KIF6: variants seen among roughly 807,000 people sequenced by gnomAD.
KIF6 encodes kinesin family member 6.
A neutral mutation model predicts 112.7 loss-of-function variants in KIF6; 106 were observed. The observed-to-expected ratio is 0.94, with a 90% CI of 0.80 to 1.11. The LOEUF is 1.11. KIF6 is among the 50% of genes least tolerant of loss of function. KIF6 has a pLI of 0.00. For missense variants in KIF6, 929 were observed against 964.0 expected (o/e 0.96, Z 0.48); for synonymous variants, 339 against 339.9 (o/e 1.00, Z 0.03).
intron 22 of KIF6, among the ~76,000 whole-genome samples, chr6:39,337,165 TTCCTTCC>T (rs1277587278): frequency 1.5e-5 from 1 of 68,772 alleles, no homozygotes; most frequent in East Asian, 3.9e-4. Context: ...TTTTCTTTCT[TTCCTTCC>T]TTCTTTCTTT....
intron 3 of KIF6, among the ~76,000 whole-genome samples, chr6:39,642,841 T>C (rs770843872): frequency 1.1e-4 from 16 of 152,112 alleles, no homozygotes; most frequent in Non-Finnish European, 2.4e-4. Flanking sequence ...AACTCACCTC[T>C]GGCTGGCCTT....
At chr6:39,510,250 G>A (rs763153916) in intron 13 of KIF6, among the ~76,000 whole-genome samples, 2 of 151,772 alleles carry the variant, frequency 1.3e-5, no homozygotes, top group Non-Finnish European at 2.9e-5. Flanking sequence ...CTGCCACCAC[G>A]CCTGGCTCAT....
intron 3 of KIF6, among the ~76,000 whole-genome samples, chr6:39,657,077 A>G (rs1785834398): frequency 6.6e-6 from 1 of 151,842 alleles, no homozygotes; most frequent in Non-Finnish European, 1.5e-5. Context: ...CTAAAAATAC[A>G]AAAAAATTTG....
At chr6:39,556,950 C>T (rs1473292271) in intron 10 of KIF6, among the ~76,000 whole-genome samples, 2 of 152,080 alleles carry the variant, frequency 1.3e-5, no homozygotes, top group Non-Finnish European at 2.9e-5. Context: ...AATTTGTAGA[C>T]AACATTGAAG....
At chr6:39,539,204 A>C (rs1455312520) in intron 13 of KIF6, among the ~76,000 whole-genome samples, 1 of 151,810 alleles carries the variant, frequency 6.6e-6, no homozygotes, top group East Asian at 1.9e-4. Flanking sequence ...GTACCCGAAA[A>C]CTTAAAGTAT....
At chr6:39,427,904 C>G (rs918668770) in intron 14 of KIF6, among the ~76,000 whole-genome samples, 1 of 152,178 alleles carries the variant, frequency 6.6e-6, no homozygotes, top group Non-Finnish European at 1.5e-5. Flanking sequence ...GAAAATAGAC[C>G]TAAACTCAGG....
intron 3 of KIF6, among the ~76,000 whole-genome samples, chr6:39,670,067 C>T (rs534079256): frequency 1.1e-4 from 17 of 152,264 alleles, no homozygotes; most frequent in South Asian, 6.2e-4. Context: ...CCCGTGACAA[C>T]GCCCTGAGCA....
chr6:39,442,032 C>A (rs1459883249), intron 13 of KIF6, among the ~76,000 whole-genome samples: 3 of 152,144 alleles, frequency 2.0e-5, no homozygotes, highest in Non-Finnish European at 4.4e-5. Flanking sequence ...ATGGTGGCAC[C>A]ACATCTAAAT....
At chr6:39,434,433 T>C (rs1248823891) in intron 13 of KIF6, among the ~76,000 whole-genome samples, 1 of 150,206 alleles carries the variant, frequency 6.7e-6, no homozygotes, top group African/African-American at 2.4e-5. Flanking sequence ...TAGCTGGGCA[T>C]GGCAGCACGC....
At chr6:39,440,878 C>T (rs1771880218) in intron 13 of KIF6, among the ~76,000 whole-genome samples, 1 of 152,182 alleles carries the variant, frequency 6.6e-6, no homozygotes, top group South Asian at 2.1e-4. Flanking sequence ...GTGGCTTCAG[C>T]CAGAAACCCA....
chr6:39,681,740 T>C (rs1787531392), intron 3 of KIF6, among the ~76,000 whole-genome samples: 1 of 152,164 alleles, frequency 6.6e-6, no homozygotes, highest in Non-Finnish European at 1.5e-5. Context: ...AGCAGTTTCA[T>C]CCTTAGTTTC....
chr6:39,699,444 G>A (rs780220880), intron 3 of KIF6, among the ~76,000 whole-genome samples: 9 of 152,104 alleles, frequency 5.9e-5, no homozygotes, highest in Non-Finnish European at 1.0e-4. Context: ...AGAGGTTTCC[G>A]GAATGTTAAA....
At chr6:39,496,784 T>C (rs375819725) in intron 13 of KIF6, among the ~76,000 whole-genome samples, 1 of 152,182 alleles carries the variant, frequency 6.6e-6, no homozygotes, top group African/African-American at 2.4e-5. Context: ...ATGAGGCAAA[T>C]CCTGGGTGAA....
intron 13 of KIF6, among the ~76,000 whole-genome samples, chr6:39,463,627 AT>A (rs1773613692): frequency 2.0e-5 from 3 of 152,220 alleles, no homozygotes; most frequent in Non-Finnish European, 4.4e-5. Flanking sequence ...GTAATTAAAA[AT>A]TCCTCAAAAT....
intron 13 of KIF6, among the ~76,000 whole-genome samples, chr6:39,477,401 TA>T (rs1774493828): frequency 3.9e-5 from 6 of 152,256 alleles, no homozygotes; most frequent in African/African-American, 1.4e-4. Context: ...CAAACTGATA[TA>T]AGGGCAAGTT....
chr6:39,432,928 C>G (rs933337078), intron 13 of KIF6, among the ~76,000 whole-genome samples: 3 of 152,100 alleles, frequency 2.0e-5, no homozygotes, highest in East Asian at 1.9e-4. Flanking sequence ...TTGCTCCCCC[C>G]CGCAGGGGAG....
chr6:39,454,531 C>CAAA lies in KIF6; in HGVS notation c.1646-23373_1646-23371dup, dbSNP rs560119968. 5.1e-3 allele frequency among the ~76,000 whole-genome samples: 384 copies of CAAA among 75,870 alleles called. 5 individuals carry two copies. The highest frequency in any genetic ancestry group is 0.017 in the Middle Eastern group (2 of 120). The allele number at this position is 75,870 out of a possible 152,430, so 49.8% of individuals were successfully genotyped here. ...GATATAATAGTGATACTGAGAGCAT[C>CAAA]AAAAAAAAAAAAAAAAAAAAAGATC... On this transcript the variant is annotated intron_variant, in intron 13 of 22. Transcript: ENST00000287152.
At chr6:39,347,890 C>T (rs1225396243) in intron 19 of KIF6, among the ~76,000 whole-genome samples, 1 of 152,248 alleles carries the variant, frequency 6.6e-6, no homozygotes, top group Non-Finnish European at 1.5e-5. Context: ...GGGAAGCCCC[C>T]CCTCACCCAC....
At chr6:39,510,595 C>A (rs1191785749) in intron 13 of KIF6, among the ~76,000 whole-genome samples, 1 of 151,992 alleles carries the variant, frequency 6.6e-6, no homozygotes, top group Non-Finnish European at 1.5e-5. Flanking sequence ...CAAAAACATG[C>A]CAGATTTAAA....
Sources: allele counts gnomAD v4.1 joint callset (sites outside exome capture counted in the v4.1 genomes callset), GRCh38; gene constraint gnomAD v4.1.1; transcripts MANE v1.5; gene names NCBI Gene and HGNC (gene_info 2026-07-23, HGNC 2026-07-21).